Variants in RHBDL1 observed in about 807,000 individuals in gnomAD.
RHBDL1 encodes the protein rhomboid like 1.
In RHBDL1, 21 loss-of-function variants were observed where a neutral mutation model predicts 34.0. That is an observed-to-expected ratio of 0.62 (90% CI 0.44 to 0.89). The LOEUF is 0.89. Ranked by LOEUF, RHBDL1 falls within the 40% of genes least tolerant of loss-of-function variation. The pLI is 0.00. For missense variants in RHBDL1, 450 were observed against 530.6 expected, an observed-to-expected ratio of 0.85 and a Z score of 1.49; for synonymous variants, 268 against 234.8, an observed-to-expected ratio of 1.14 and a Z score of -1.29.
intron 1 of RHBDL1, 84 bp downstream of exon 1, chr16:675,913 C>T: frequency 7.0e-7 from 1 of 1,430,906 alleles, no homozygotes; most frequent in Non-Finnish European, 9.2e-7. Flanking sequence ...CGGGACCGAG[C>T]TCCCCGAAAG....
In RHBDL1 at chr16:675,836, C is replaced by CG. The variant is rs1300919940; in HGVS notation, c.39+13dup. 5.3e-6 allele frequency: 8 copies of CG among 1,516,146 alleles called. No homozygotes were observed. Among genetic ancestry groups the CG allele is most frequent in the African/African-American group, 1.4e-5 (1 of 71,242 alleles). The allele number at this position is 1,516,146 out of a possible 1,614,324, so 93.9% of individuals were successfully genotyped here. On this transcript the variant is annotated splice_region_variant and intron_variant, in intron 1 of 7. Transcript: ENST00000352681. ...GCAGCTCATCCAGGAGCAGGTGCGT[C>CG]GGGGGGTGGTCTGGGGAGCTGGCAC...
In RHBDL1 at chr16:677,003, C is replaced by T. The variant is rs138481074; in HGVS notation, c.459C>T (p.Leu153=). Residue 153 remains leucine, a synonymous_variant, in exon 4 of 8, where the codon CTC becomes CTT. Transcript: ENST00000352681. ...IIVFLCYGAR[L]NKWVLQTYHP... ...TGTTCCTGTGTTACGGGGCCCGCCT[C>T]AACAAGTGGGTGCTGCAGACCTACC... The T allele has an allele frequency of 2.2e-5, 35 of 1,612,710 alleles. No homozygotes were observed. The African/African-American group carries it at 4.0e-4, about 18-fold the overall frequency.
chr16:676,030 G>A lies in RHBDL1; in HGVS notation c.39+201G>A. The A allele has an allele frequency of 1.4e-6, 2 of 1,437,970 alleles. No individual in the cohort carries two copies. The highest frequency in any genetic ancestry group is 1.5e-5 in the South Asian group (1 of 66,752). The allele number at this position is 1,437,970 out of a possible 1,614,324, so 89.1% of individuals were successfully genotyped here. ...CTCCTGGCTGGAGAAGGGAGAGTCG[G>A]GGGGAGGGAGGGAGGGAGGGAGGGA... On this transcript the variant is annotated intron_variant, in intron 1 of 7. Transcript: ENST00000352681. The surrounding 1 kb of genome is among the most constrained non-coding windows in gnomAD (Gnocchi z 6.9).
Position 676,020 on chromosome 16 carries a change from G to A in RHBDL1, c.39+191G>A. On this transcript the variant is annotated intron_variant, in intron 1 of 7. Transcript: ENST00000352681. The surrounding 1 kb of genome is among the most constrained non-coding windows in gnomAD (Gnocchi z 6.9). ...TGGACCAGAGCTCCTGGCTGGAGAA[G>A]GGAGAGTCGGGGGGAGGGAGGGAGG... The A allele has an allele frequency of 7.0e-7, 1 of 1,431,484 alleles. No homozygotes were observed. The highest frequency in any genetic ancestry group is 9.2e-7 in the Non-Finnish European group (1 of 1,087,380). The allele number at this position is 1,431,484 out of a possible 1,614,324, so 88.7% of individuals were successfully genotyped here. A position where few individuals can be genotyped will look rare whatever the true frequency, so the allele number is the denominator to read the frequency against.
rs533346109 is a variant in RHBDL1 at position 676,365 on chromosome 16, C to T, written c.69C>T (p.Ile23=). 4.5e-5 allele frequency: 73 copies of T among 1,610,284 alleles called. No homozygotes were observed. In the Admixed American group the frequency reaches 5.2e-4, roughly 11 times the overall value. The stretch of plus-strand genomic sequence containing the variant: ...TGGACCCCGAGAACACAGGCTTCAT[C>T]GGTGCGGACACCTTCACTGGCCTGG... ...QQLDPENTGF[I]GADTFTGLVH... The change falls in exon 2 of 8, where the codon ATC becomes ATT. Residue 23 remains isoleucine, a synonymous_variant. Transcript: ENST00000352681. The surrounding 1 kb of genome is among the most constrained non-coding windows in gnomAD (Gnocchi z 6.9).
In RHBDL1 at chr16:678,235, C is replaced by T. The variant is rs939466538; in HGVS notation, c.*183C>T. 19 of 1,367,694 alleles carry T rather than the reference C, an allele frequency of 1.4e-5. No homozygotes were observed. The South Asian group carries it at 3.3e-4, about 23-fold the overall frequency. 84.7% of individuals were successfully genotyped at this position (1,367,694 alleles called of 1,614,324 possible). Reference sequence around the variant, plus strand: ...CACTCCCAGGACTTGCGGTCTGAGCCTTTTTGGATAATTAATAAATATTTT... The same window carrying T: ...CACTCCCAGGACTTGCGGTCTGAGCTTTTTTGGATAATTAATAAATATTTT... On this transcript the variant is annotated 3_prime_UTR_variant, in exon 8 of 8. Coordinates refer to ENST00000352681, the MANE Select transcript of RHBDL1 (RefSeq NM_001278720.2).
At chr16:677,174 AG>A (rs1440382775) in intron 4 of RHBDL1, 55 bp downstream of exon 4, 1 of 1,580,136 alleles carries the variant, frequency 6.3e-7, no homozygotes. Flanking sequence ...TACATCAGAA[AG>A]GCTTAGCCGC....
At position 676,273 on chromosome 16, in the gene RHBDL1, C is replaced by A; in HGVS notation, c.40-63C>A. The A allele has an allele frequency of 1.9e-6, 3 of 1,576,560 alleles. No individual in the cohort carries two copies. The highest frequency in any genetic ancestry group is 2.6e-6 in the Non-Finnish European group (3 of 1,161,576). ...GCCTGATGCTCCCAGCCAGCCTGGC[C>A]CAGCCCTTTGGTCCAGGGGTCGGGC... On this transcript the variant is annotated intron_variant, in intron 1 of 7. Transcript: ENST00000352681. The surrounding 1 kb of genome is among the most constrained non-coding windows in gnomAD (Gnocchi z 6.9).
Position 676,260 on chromosome 16 carries a change from C to T in RHBDL1, c.40-76C>T. 1 of 1,566,536 alleles carries T rather than the reference C, an allele frequency of 6.4e-7. No homozygotes were observed. The highest frequency in any genetic ancestry group is 8.7e-7 in the Non-Finnish European group (1 of 1,155,768). ...GCTGGGAGCCTGAGCCTGATGCTCCCAGCCAGCCTGGCCCAGCCCTTTGGT... is the reference window on the plus strand; with the variant it reads ...GCTGGGAGCCTGAGCCTGATGCTCCTAGCCAGCCTGGCCCAGCCCTTTGGT... On this transcript the variant is annotated intron_variant, in intron 1 of 7. Transcript: ENST00000352681. This position sits in a 1 kb window ranked among gnomAD's most constrained non-coding sequence, Gnocchi z 6.9.
In RHBDL1 at chr16:675,774, G is replaced by GC. The variant is rs747916520; in HGVS notation, c.-12dup. 66 of 1,458,972 alleles carry GC rather than the reference G, an allele frequency of 4.5e-5. No homozygotes were observed. The South Asian group carries it at 8.4e-4, about 19-fold the overall frequency. The allele number at this position is 1,458,972 out of a possible 1,614,324, so 90.4% of individuals were successfully genotyped here. On this transcript the variant is annotated 5_prime_UTR_variant, in exon 1 of 8. Transcript: ENST00000352681. Reference sequence around the variant, plus strand: ...CCGCGGCCGCCGACCCCGGACCCCGGCCCCCGGCCAGGCTCTATGGACAGG... The same window carrying GC: ...CCGCGGCCGCCGACCCCGGACCCCGGCCCCCCGGCCAGGCTCTATGGACAGG...
In RHBDL1 at chr16:676,346, C is replaced by T. The variant is rs764251039; in HGVS notation, c.50C>T (p.Pro17Leu). ...LQLIQEQQLD[P>L]ENTGFIGADT... ...GGCTCCTCACTGCAGCAGCTGGACC[C>T]CGAGAACACAGGCTTCATCGGTGCG... is the stretch of plus-strand genomic sequence containing the variant. Residue 17 changes from proline to leucine, a missense_variant, in exon 2 of 8, where the codon CCC becomes CTC. Physicochemically the swap from Pro to Leu is moderately conservative, Grantham distance 98. Coordinates refer to ENST00000352681, the MANE Select transcript of RHBDL1 (RefSeq NM_001278720.2). The surrounding 1 kb of genome is among the most constrained non-coding windows in gnomAD (Gnocchi z 6.9). 1 of 1,610,520 alleles carries T rather than the reference C, an allele frequency of 6.2e-7. No homozygotes were observed. Among genetic ancestry groups the T allele is most frequent in the Non-Finnish European group, 8.5e-7 (1 of 1,179,224 alleles).
At position 676,504 on chromosome 16, in the gene RHBDL1, G is replaced by A. The variant is rs773504528; in HGVS notation, c.201+7G>A. ...CCAGGAGCTGGTGGACCTGGTCAGT[G>A]CCACGGTGGGCAGGCGGCAGGGGCA... On this transcript the variant is annotated splice_region_variant and intron_variant, in intron 2 of 7. Coordinates refer to ENST00000352681, the MANE Select transcript of RHBDL1 (RefSeq NM_001278720.2). The surrounding 1 kb of genome is among the most constrained non-coding windows in gnomAD (Gnocchi z 6.9). The A allele has an allele frequency of 1.9e-6, 3 of 1,582,034 alleles. No individual in the cohort carries two copies. Among genetic ancestry groups the A allele is most frequent in the African/African-American group, 1.3e-5 (1 of 74,542 alleles).
At position 676,280 on chromosome 16, in the gene RHBDL1, T is replaced by G; in HGVS notation, c.40-56T>G. ...GCTCCCAGCCAGCCTGGCCCAGCCC[T>G]TTGGTCCAGGGGTCGGGCCCGCACT... On this transcript the variant is annotated intron_variant, in intron 1 of 7. Coordinates refer to ENST00000352681, the MANE Select transcript of RHBDL1 (RefSeq NM_001278720.2). This position sits in a 1 kb window ranked among gnomAD's most constrained non-coding sequence, Gnocchi z 6.9. 6.3e-7 allele frequency: 1 copy of G among 1,581,622 alleles called. No homozygotes were observed. Among genetic ancestry groups the G allele is most frequent in the Non-Finnish European group, 8.6e-7 (1 of 1,164,496 alleles).
Position 676,071 on chromosome 16 carries a change from T to A in RHBDL1, c.39+242T>A. On this transcript the variant is annotated intron_variant, in intron 1 of 7. Coordinates refer to ENST00000352681, the MANE Select transcript of RHBDL1 (RefSeq NM_001278720.2). The surrounding 1 kb of genome is among the most constrained non-coding windows in gnomAD (Gnocchi z 6.9). ...GAGGGAGGGAGGGCGGGCAGCTGGC[T>A]GGTCTTGGACCTTGGCCCTCGCTTT... 7.0e-7 allele frequency: 1 copy of A among 1,436,236 alleles called. No individual in the cohort carries two copies. The highest frequency in any genetic ancestry group is 1.5e-5 in the South Asian group (1 of 66,490). The allele number at this position is 1,436,236 out of a possible 1,614,324, so 89.0% of individuals were successfully genotyped here.
chr16:675,833 CG>C lies in RHBDL1; in HGVS notation c.39+5del. ...GCTGCAGCTCATCCAGGAGCAGGTG[CG>C]TCGGGGGGTGGTCTGGGGAGCTGGC... On this transcript the variant is annotated splice_donor_5th_base_variant and intron_variant, in intron 1 of 7. Transcript: ENST00000352681. 6 of 1,515,044 alleles carry C rather than the reference CG, an allele frequency of 4.0e-6. No homozygotes were observed. Among genetic ancestry groups the C allele is most frequent in the East Asian group, 5.2e-5 (2 of 38,174 alleles). 93.9% of individuals were successfully genotyped at this position (1,515,044 alleles called of 1,614,324 possible).
rs774093119 is a variant in RHBDL1 at position 677,677 on chromosome 16, G to A, written c.828G>A (p.Arg276=). 2.3e-5 allele frequency: 36 copies of A among 1,554,208 alleles called. No homozygotes were observed. The African/African-American group carries it at 3.0e-4, about 13-fold the overall frequency. Reference sequence around the variant, plus strand: ...TGAGATGTCCCTACAAGTTGCTGAGGATGGTGCTGGCCTTGGTGTGCAGTG... The same window carrying A: ...TGAGATGTCCCTACAAGTTGCTGAGAATGGTGCTGGCCTTGGTGTGCAGTG... ...AGMRCPYKLL[R]MVLALVCMSS... The change falls in exon 7 of 8, where the codon AGG becomes AGA. Residue 276 remains arginine (R), a synonymous_variant. Coordinates refer to ENST00000352681, the MANE Select transcript of RHBDL1 (RefSeq NM_001278720.2).
Position 676,458 on chromosome 16 carries a change from C to T in RHBDL1, c.162C>T (p.Asn54=), listed in dbSNP as rs756689120. The change falls in exon 2 of 8, where the codon AAC becomes AAT. Residue 54 remains asparagine, a synonymous_variant. Transcript: ENST00000352681. This position sits in a 1 kb window ranked among gnomAD's most constrained non-coding sequence, Gnocchi z 6.9. ...LDMLVALAQS[N]EQGQVCYQEL... ...TGCTGGTGGCCCTGGCTCAGAGCAA[C>T]GAGCAGGGCCAGGTCTGCTACCAGG... 4.9e-5 allele frequency: 79 copies of T among 1,602,406 alleles called. No individual in the cohort carries two copies. The highest frequency in any genetic ancestry group is 2.9e-4 in the East Asian group (13 of 44,720).
intron 7 of RHBDL1, 25 bp downstream of exon 7, chr16:677,724 C>CG (rs764274834): frequency 2.0e-6 from 3 of 1,523,508 alleles, no homozygotes; most frequent in Non-Finnish European, 2.6e-6. Flanking sequence ...GGGGGAGGGC[C>CG]GGGGGGCCTC....
chr16:677,695 G>A lies in RHBDL1; in HGVS notation c.846G>A (p.Val282=), dbSNP rs2039573843. ...YKLLRMVLAL[V]CMSSEVGRAV... Reference sequence around the variant, plus strand: ...TGCTGAGGATGGTGCTGGCCTTGGTGTGCAGTGAGTAGGGGCCGGGGGGAG... The same window carrying A: ...TGCTGAGGATGGTGCTGGCCTTGGTATGCAGTGAGTAGGGGCCGGGGGGAG... Residue 282 remains valine, a synonymous_variant, in exon 7 of 8, where the codon GTG becomes GTA. Transcript: ENST00000352681. The A allele has an allele frequency of 7.1e-6, 11 of 1,538,494 alleles. No homozygotes were observed. Among genetic ancestry groups the A allele is most frequent in the Non-Finnish European group, 9.6e-6 (11 of 1,142,156 alleles).
Sources: gnomAD v4.1 joint callset for allele counts on GRCh38, gnomAD v4.1.1 for gene constraint, Gnocchi (gnomAD v3.1) non-coding constraint, MANE v1.5 for transcripts, NCBI Gene and HGNC (gene_info 2026-07-23, HGNC 2026-07-21) for gene names.